The following CNTNAP2 variants were observed in gnomAD, a reference collection of about 807,000 sequenced individuals.
CNTNAP2 encodes contactin associated protein 2.
In CNTNAP2, 98 loss-of-function variants were observed where a neutral mutation model predicts 155.2. The ratio of observed to expected loss-of-function variants is 0.63; its 90% CI spans 0.54 to 0.75. The LOEUF (loss-of-function observed/expected upper bound fraction) is 0.75, where lower values mean the gene tolerates loss of function less well. Ranked by LOEUF, CNTNAP2 falls within the 30% of genes least tolerant of loss-of-function variation. CNTNAP2 has a pLI of 0.00. For missense variants in CNTNAP2, 1,727 were observed against 1,688.1 expected (o/e 1.02, Z -0.40); for synonymous variants, 651 against 631.2 (o/e 1.03, Z -0.47).
chr7:147,935,712 T>C (rs957699408), intron 14 of CNTNAP2, among the ~76,000 whole-genome samples: 3 of 152,226 alleles, frequency 2.0e-5, no homozygotes, highest in African/African-American at 7.2e-5. Context: ...TCTGGTCATG[T>C]AATTTAGGAC....
At chr7:148,158,301 C>T (rs1310404300) in intron 17 of CNTNAP2, among the ~76,000 whole-genome samples, 2 of 138,608 alleles carry the variant, frequency 1.4e-5, no homozygotes, top group Admixed American at 1.6e-4. Context: ...CGGCTCACTG[C>T]AACCTCCGCC....
chr7:148,007,322 A>G (rs555179135), intron 15 of CNTNAP2, among the ~76,000 whole-genome samples: 3 of 143,644 alleles, frequency 2.1e-5, no homozygotes, highest in African/African-American at 7.4e-5. Context: ...GAAATATTAC[A>G]TTCTTTAAAG....
chr7:146,858,626 C>T (rs960283765), intron 3 of CNTNAP2, among the ~76,000 whole-genome samples: 1 of 152,028 alleles, frequency 6.6e-6, no homozygotes, highest in African/African-American at 2.4e-5. Flanking sequence ...TCCAGGAGGT[C>T]GAGGCTGCAG....
At chr7:147,241,701 T>C (rs1334365051) in intron 8 of CNTNAP2, among the ~76,000 whole-genome samples, 2 of 152,012 alleles carry the variant, frequency 1.3e-5, no homozygotes, top group African/African-American at 2.4e-5. Flanking sequence ...GCTTCTGAAC[T>C]TTTTTTGTTG....
intron 1 of CNTNAP2, among the ~76,000 whole-genome samples, chr7:146,439,736 G>A (rs937303574): frequency 6.6e-6 from 1 of 151,446 alleles, no homozygotes; most frequent in Non-Finnish European, 1.5e-5. Context: ...ACTTGATTAA[G>A]CACTTTAGAG....
intron 4 of CNTNAP2, among the ~76,000 whole-genome samples, chr7:147,067,289 CAAAAAA>C (rs36080849): frequency 1.5e-5 from 1 of 67,984 alleles, no homozygotes; most frequent in East Asian, 4.6e-4. Context: ...GACTCCGTCT[CAAAAAA>C]AAAAAAAAAA....
At chr7:147,650,895 C>T (rs929971363) in intron 13 of CNTNAP2, among the ~76,000 whole-genome samples, 1 of 151,992 alleles carries the variant, frequency 6.6e-6, no homozygotes, top group Admixed American at 6.6e-5. Flanking sequence ...AAAATCTTAA[C>T]TAGTATGTCC....
chr7:147,380,206 T>C (rs528836200), intron 9 of CNTNAP2, among the ~76,000 whole-genome samples: 1 of 152,138 alleles, frequency 6.6e-6, no homozygotes, highest in Non-Finnish European at 1.5e-5. Context: ...TAGAAATGTT[T>C]TCAGATACAA....
chr7:147,793,697 T>A (rs772839569), intron 13 of CNTNAP2, among the ~76,000 whole-genome samples: 2 of 152,102 alleles, frequency 1.3e-5, no homozygotes, highest in Non-Finnish European at 2.9e-5. Flanking sequence ...TGTCAATTTC[T>A]ACAAAGAAAT....
chr7:147,621,435 A>T (rs1230671675), intron 12 of CNTNAP2, among the ~76,000 whole-genome samples: 1 of 152,108 alleles, frequency 6.6e-6, no homozygotes, highest in African/African-American at 2.4e-5. Context: ...ATTTTTGAAG[A>T]CATAGACAGT....
chr7:146,199,878 T>G (rs548099891), intron 1 of CNTNAP2, among the ~76,000 whole-genome samples: 19 of 152,316 alleles, frequency 1.2e-4, no homozygotes, highest in Admixed American at 1.2e-3. Flanking sequence ...ATATTTCTGT[T>G]TCTATGCTTG....
At chr7:146,807,641 A>T (rs2129192966) in intron 2 of CNTNAP2, among the ~76,000 whole-genome samples, 1 of 152,172 alleles carries the variant, frequency 6.6e-6, no homozygotes, top group Non-Finnish European at 1.5e-5. Flanking sequence ...CTTTGGAACC[A>T]GCTGAGCCTT....
At chr7:146,850,736 A>G (rs1479697215) in intron 3 of CNTNAP2, among the ~76,000 whole-genome samples, 3 of 152,282 alleles carry the variant, frequency 2.0e-5, no homozygotes, top group Admixed American at 6.5e-5. Flanking sequence ...TTGAATAAAT[A>G]TCACATTTCC....
intron 1 of CNTNAP2, among the ~76,000 whole-genome samples, chr7:146,226,534 T>C (rs1164815044): frequency 6.6e-6 from 1 of 151,874 alleles, no homozygotes; most frequent in Admixed American, 6.6e-5. Context: ...TGGTGCACAC[T>C]TGTAGACCCA....
intron 1 of CNTNAP2, among the ~76,000 whole-genome samples, chr7:146,249,763 C>T (rs529876502): frequency 6.6e-6 from 1 of 152,068 alleles, no homozygotes; most frequent in South Asian, 2.1e-4. Context: ...TATTTCAAAG[C>T]CTTTTGAGAA....
At chr7:148,126,435 C>T (rs939903376) in intron 16 of CNTNAP2, among the ~76,000 whole-genome samples, 2 of 151,952 alleles carry the variant, frequency 1.3e-5, no homozygotes, top group Admixed American at 1.3e-4. Flanking sequence ...GAGGTGCTGG[C>T]GATCCAAATA....
intron 15 of CNTNAP2, among the ~76,000 whole-genome samples, chr7:148,031,883 CA>C (rs1391767596): frequency 6.6e-6 from 1 of 152,126 alleles, no homozygotes; most frequent in African/African-American, 2.4e-5. Flanking sequence ...CCTAATATCA[CA>C]ATAAATTCTC....
intron 22 of CNTNAP2, among the ~76,000 whole-genome samples, chr7:148,392,860 C>G (rs1408423661): frequency 6.6e-6 from 1 of 152,182 alleles, no homozygotes; most frequent in Non-Finnish European, 1.5e-5. Context: ...TGGGATCACT[C>G]AGTGTAACAA....
At chr7:147,063,764 A>C (rs1049047500) in intron 4 of CNTNAP2, among the ~76,000 whole-genome samples, 1 of 152,156 alleles carries the variant, frequency 6.6e-6, no homozygotes, top group Non-Finnish European at 1.5e-5. Context: ...CACAGTTTTA[A>C]TTTATATATA....
Sources: allele counts gnomAD v4.1 joint callset (sites outside exome capture counted in the v4.1 genomes callset), GRCh38; gene constraint gnomAD v4.1.1; transcripts MANE v1.5; gene names NCBI Gene and HGNC (gene_info 2026-07-23, HGNC 2026-07-21).